CADM2: variants seen among roughly 807,000 people sequenced by gnomAD.
CADM2 encodes the protein immunoglobulin superfamily member 4D.
A neutral mutation model predicts 49.8 loss-of-function variants in CADM2; 12 were observed. The ratio of observed to expected loss-of-function variants is 0.24; its 90% CI spans 0.15 to 0.39. The LOEUF (loss-of-function observed/expected upper bound fraction) is 0.39. Among genes scored for constraint, CADM2 ranks in the 10% least tolerant of loss-of-function variants. The pLI is 1.00. For synonymous variants in CADM2, 214 were observed against 175.4 expected, an observed-to-expected ratio of 1.22 and a Z score of -1.74; for missense variants, 378 against 492.3, an observed-to-expected ratio of 0.77 and a Z score of 2.20.
intron 1 of CADM2, among the ~76,000 whole-genome samples, chr3:85,298,349 C>T (rs2044017085): frequency 6.6e-6 from 1 of 152,014 alleles, no homozygotes; most frequent in Admixed American, 6.6e-5. Flanking sequence ...CCATCCCAGC[C>T]CACAGAGAAC....
intron 1 of CADM2, among the ~76,000 whole-genome samples, chr3:85,305,700 A>C (rs1038056646): frequency 6.6e-5 from 10 of 151,822 alleles, no homozygotes; most frequent in Middle Eastern, 6.8e-3. Flanking sequence ...ATCATGCAAA[A>C]TGATAATGCT....
Position 85,182,695 on chromosome 3 carries a change from T to C in CADM2, c.61+223027T>C, listed in dbSNP as rs549412037. Among the ~76,000 whole-genome samples the C allele has an allele frequency of 5.9e-5, 9 of 152,212 alleles. No individual in the cohort carries two copies. In the East Asian group the frequency reaches 1.7e-3, roughly 29 times the overall value. ...TGGGTGAATAGTTTATAGAACCCTA[T>C]ATACGGTTGCATGTCTCTTGTAAAT... On this transcript the variant is annotated intron_variant, in intron 1 of 9. Transcript: ENST00000383699.
chr3:86,042,154 T>C (rs1372559367), intron 8 of CADM2, among the ~76,000 whole-genome samples: 5 of 151,934 alleles, frequency 3.3e-5, no homozygotes, highest in Non-Finnish European at 7.4e-5. Context: ...CACGCTAACA[T>C]CACAATTAAA....
At chr3:85,788,064 C>T (rs2108019575) in intron 2 of CADM2, among the ~76,000 whole-genome samples, 1 of 152,054 alleles carries the variant, frequency 6.6e-6, no homozygotes, top group Middle Eastern at 3.4e-3. Flanking sequence ...TTTATGTGTG[C>T]TTTTTTGTTT....
At chr3:85,835,657 C>T (rs1577435864) in intron 3 of CADM2, among the ~76,000 whole-genome samples, 1 of 149,914 alleles carries the variant, frequency 6.7e-6, no homozygotes, top group Non-Finnish European at 1.5e-5. Flanking sequence ...CTTTAATTCC[C>T]AAAGGGCATC....
chr3:85,501,594 T>A, intron 1 of CADM2, among the ~76,000 whole-genome samples: 1 of 152,220 alleles, frequency 6.6e-6, no homozygotes, highest in Non-Finnish European at 1.5e-5. Flanking sequence ...CCAGACAACT[T>A]AAATTCAAAT....
At chr3:85,473,239 T>C (rs928038751) in intron 1 of CADM2, among the ~76,000 whole-genome samples, 1 of 152,036 alleles carries the variant, frequency 6.6e-6, no homozygotes, top group Non-Finnish European at 1.5e-5. Context: ...CTGAGCACAG[T>C]GAGAGATAAC....
At chr3:85,982,873 A>C (rs1044691722) in intron 8 of CADM2, among the ~76,000 whole-genome samples, 1 of 151,710 alleles carries the variant, frequency 6.6e-6, no homozygotes, top group Non-Finnish European at 1.5e-5. Flanking sequence ...AACTTGCAGC[A>C]TTTCTTTTTG....
At chr3:85,304,033 T>C (rs2044160337) in intron 1 of CADM2, among the ~76,000 whole-genome samples, 1 of 151,896 alleles carries the variant, frequency 6.6e-6, no homozygotes, top group Non-Finnish European at 1.5e-5. Flanking sequence ...AAATGGGCTA[T>C]TGTATTTCAC....
At chr3:85,178,070 A>G (rs1259197058) in intron 1 of CADM2, among the ~76,000 whole-genome samples, 2 of 151,894 alleles carry the variant, frequency 1.3e-5, no homozygotes, top group Admixed American at 1.3e-4. Context: ...CAAATCTTCA[A>G]TCCTATATGT....
intron 1 of CADM2, among the ~76,000 whole-genome samples, chr3:85,031,400 C>T (rs921053517): frequency 5.3e-5 from 8 of 152,166 alleles, no homozygotes; most frequent in African/African-American, 1.4e-4. Flanking sequence ...CAGCTCTTCT[C>T]AGCAACTTGT....
At chr3:85,202,120 G>GT (rs1559717865) in intron 1 of CADM2, among the ~76,000 whole-genome samples, 1 of 145,314 alleles carries the variant, frequency 6.9e-6, no homozygotes, top group Non-Finnish European at 1.5e-5. Context: ...ATCTGTTCAA[G>GT]TTTTATCATG....
chr3:86,017,756 A>G (rs576545206), intron 8 of CADM2, among the ~76,000 whole-genome samples: 116 of 151,172 alleles, frequency 7.7e-4, no homozygotes, highest in African/African-American at 2.2e-3. Flanking sequence ...GAAAAAGAAG[A>G]AGAAAGGGAT....
At chr3:85,016,818 AG>A (rs2034269672) in intron 1 of CADM2, among the ~76,000 whole-genome samples, 1 of 152,096 alleles carries the variant, frequency 6.6e-6, no homozygotes. Context: ...GAAAAAGAAA[AG>A]AAAAGAAAGA....
At chr3:85,916,005 A>G (rs1054611784) in intron 6 of CADM2, among the ~76,000 whole-genome samples, 3 of 152,188 alleles carry the variant, frequency 2.0e-5, no homozygotes, top group African/African-American at 7.2e-5. Context: ...TAATGAAAAA[A>G]GTATAGTAGG....
At chr3:85,762,301 T>C (rs542009249) in intron 2 of CADM2, among the ~76,000 whole-genome samples, 6 of 152,166 alleles carry the variant, frequency 3.9e-5, no homozygotes, top group Non-Finnish European at 7.4e-5. Flanking sequence ...TCCAGTGTTA[T>C]TTCTTTTGGC....
intron 1 of CADM2, among the ~76,000 whole-genome samples, chr3:84,984,150 G>A (rs1164391567): frequency 2.0e-5 from 3 of 150,930 alleles, no homozygotes; most frequent in Admixed American, 2.0e-4. Flanking sequence ...AGATATCTAC[G>A]CCTGAGCTGT....
At chr3:85,860,245 A>G (rs897358009) in intron 3 of CADM2, among the ~76,000 whole-genome samples, 1 of 152,158 alleles carries the variant, frequency 6.6e-6, no homozygotes, top group Non-Finnish European at 1.5e-5. Context: ...TGTGCCACAC[A>G]CTCTTACGGA....
At chr3:85,796,325 C>A (rs2071618924) in intron 2 of CADM2, among the ~76,000 whole-genome samples, 1 of 152,110 alleles carries the variant, frequency 6.6e-6, no homozygotes, top group Non-Finnish European at 1.5e-5. Flanking sequence ...TGTCTTACAT[C>A]ATGTTTTCTC....
Sources: allele counts gnomAD v4.1 joint callset (sites outside exome capture counted in the v4.1 genomes callset), GRCh38; gene constraint gnomAD v4.1.1; transcripts MANE v1.5; gene names NCBI Gene and HGNC (gene_info 2026-07-23, HGNC 2026-07-21).